The following TTPAL variants were observed in gnomAD, a reference collection of about 807,000 sequenced individuals.
The protein encoded by TTPAL is alpha tocopherol transfer protein like, also known as alpha-tocopherol transfer protein-like.
In TTPAL, 21 loss-of-function variants were observed where a neutral mutation model predicts 28.7. The observed-to-expected ratio is 0.73, with a 90% CI of 0.52 to 1.06. The LOEUF (loss-of-function observed/expected upper bound fraction) is 1.06, where lower values mean the gene tolerates loss of function less well. Among genes scored for constraint, TTPAL ranks in the 50% least tolerant of loss-of-function variants. TTPAL has a pLI of 0.00. For missense variants in TTPAL, 345 were observed against 425.5 expected (o/e 0.81, Z 1.67); for synonymous variants, 169 against 171.9 (o/e 0.98, Z 0.13).
intron 4 of TTPAL, 112 bp downstream of exon 4, chr20:44,486,818 CAG>C (rs2064156385): frequency 1.3e-5 from 8 of 623,520 alleles, no homozygotes; most frequent in Non-Finnish European, 2.3e-5. Context: ...TGGAAAAGTA[CAG>C]AGTTACAGAT....
In TTPAL at chr20:44,480,375, G is replaced by A. The variant is rs551155004; in HGVS notation, c.376G>A (p.Ala126Thr). The change falls in exon 2 of 5, where the codon GCT becomes ACT. Residue 126 changes from alanine to threonine, a missense_variant. Ala to Thr is a moderately conservative substitution (Grantham distance 58, BLOSUM62 0). Transcript: ENST00000262605. This position sits in a 1 kb window ranked among gnomAD's most constrained non-coding sequence, Gnocchi z 4.1. Reference protein sequence around the residue: ...LKPSALKDVLASGFLTVLPHT... With the variant: ...LKPSALKDVLTSGFLTVLPHT... Reference sequence around the variant, plus strand: ...GCCATCAGCCTTAAAAGATGTCCTTGCTTCCGGGTTCCTCACCGTGCTGCC... The same window carrying A: ...GCCATCAGCCTTAAAAGATGTCCTTACTTCCGGGTTCCTCACCGTGCTGCC... 12 of 1,614,028 alleles carry A rather than the reference G, an allele frequency of 7.4e-6. No homozygotes were observed. The South Asian group carries it at 1.2e-4, about 16-fold the overall frequency.
intron 3 of TTPAL, 62 bp downstream of exon 3, chr20:44,484,592 A>G (rs2064135800): frequency 7.6e-7 from 1 of 1,323,666 alleles, no homozygotes; most frequent in Non-Finnish European, 1.0e-6. Context: ...GGGCCTGTCC[A>G]TTTACTGTGG....
chr20:44,489,589 GGA>G lies in TTPAL; in HGVS notation c.*52_*53del. The G allele has an allele frequency of 6.4e-7, 1 of 1,558,418 alleles. No individual in the cohort carries two copies. Among genetic ancestry groups the G allele is most frequent in the Non-Finnish European group, 8.7e-7 (1 of 1,150,664 alleles). ...TTTAATTCTTTTCCTTCTTTTCTTT[GGA>G]GAGGCACAAGGAGAATTTAAGGGTC... is the stretch of plus-strand genomic sequence containing the variant. On this transcript the variant is annotated 3_prime_UTR_variant, in exon 5 of 5. Coordinates refer to ENST00000262605, the MANE Select transcript of TTPAL (RefSeq NM_001039199.3).
At position 44,475,922 on chromosome 20, in the gene TTPAL, C is replaced by A. The variant is rs974065797; in HGVS notation, c.-85C>A. On this transcript the variant is annotated 5_prime_UTR_variant, in exon 1 of 5. Transcript: ENST00000262605. ...GGCAGGCCGGGCAGGGAGTGCGGGT[C>A]GGTTCTGCGTGCGCTGCCGGACGAG... 3 of 152,230 alleles carry A rather than the reference C, an allele frequency of 2.0e-5. No homozygotes were observed. Among genetic ancestry groups the A allele is most frequent in the African/African-American group, 7.2e-5 (3 of 41,450 alleles). 9.4% of individuals were successfully genotyped at this position (152,230 alleles called of 1,614,324 possible).
Position 44,477,915 on chromosome 20 carries a change from A to G in TTPAL, c.-16+1924A>G, listed in dbSNP as rs567960131. Reference sequence around the variant, plus strand: ...GGTGATCCATCCACTTCAGCCTACCAAAGTGTTGGGATTACAGGCATAAGC... The same window carrying G: ...GGTGATCCATCCACTTCAGCCTACCGAAGTGTTGGGATTACAGGCATAAGC... On this transcript the variant is annotated intron_variant, in intron 1 of 4. Transcript: ENST00000262605. 3.4e-4 allele frequency among the ~76,000 whole-genome samples: 52 copies of G among 152,276 alleles called. 1 individual carries two copies. The highest frequency in any genetic ancestry group is 5.9e-4 in the Admixed American group (9 of 15,286).
chr20:44,479,399 GTTTTTTTTTTTT>G (rs869123576), intron 1 of TTPAL, among the ~76,000 whole-genome samples: 15 of 81,554 alleles, frequency 1.8e-4, no homozygotes, highest in South Asian at 4.3e-4. Flanking sequence ...AATCTGAGTT[GTTTTTTTTTTTT>G]TTTTTTTTTT....
intron 1 of TTPAL, among the ~76,000 whole-genome samples, chr20:44,479,031 C>T (rs546167421): frequency 1.1e-4 from 16 of 152,284 alleles, no homozygotes; most frequent in Admixed American, 3.9e-4. Context: ...CCTCATGAGT[C>T]GCCTGCCTCG....
At position 44,493,148 on chromosome 20, in the gene TTPAL, G is replaced by A. The variant is rs1035539989; in HGVS notation, c.*3607G>A. 2.0e-5 allele frequency: 3 copies of A among 152,172 alleles called. No individual in the cohort carries two copies. Among genetic ancestry groups the A allele is most frequent in the Non-Finnish European group, 4.4e-5 (3 of 68,042 alleles). 9.4% of individuals were successfully genotyped at this position (152,172 alleles called of 1,614,324 possible). A position where few individuals can be genotyped will look rare whatever the true frequency, so the allele number is the denominator to read the frequency against. On this transcript the variant is annotated 3_prime_UTR_variant, in exon 5 of 5. Transcript: ENST00000262605. ...AAATACAAAAAATTGGCTGGGCATG[G>A]TGGTGGGTGCCTGTAATCCCAGCTA...
chr20:44,480,151 C>T lies in TTPAL; in HGVS notation c.152C>T (p.Pro51Leu), dbSNP rs1454267257. The change falls in exon 2 of 5, where the codon CCG becomes CTG. Residue 51 changes from proline (P) to leucine (L), a missense_variant. By Grantham distance (98) the Pro-to-Leu change is moderately conservative. Coordinates refer to ENST00000262605, the MANE Select transcript of TTPAL (RefSeq NM_001039199.3). The surrounding 1 kb of genome is among the most constrained non-coding windows in gnomAD (Gnocchi z 4.1). ...TKAREELQEK[P>L]EWRLRDVQAL... is the part of the protein sequence containing the mutation. ...GCCCGGGAAGAGCTGCAGGAAAAGC[C>T]GGAATGGAGACTTCGAGATGTGCAG... The T allele has an allele frequency of 1.7e-5, 27 of 1,614,152 alleles. No individual in the cohort carries two copies. The highest frequency in any genetic ancestry group is 9.9e-5 in the South Asian group (9 of 91,080).
chr20:44,489,403 T>C lies in TTPAL; in HGVS notation c.891T>C (p.Phe297=), dbSNP rs1272921041. ...TACTGCTGGCTTCAGAAGACGATTT[T>C]GTGAAAGAGTTCTGCCAACCTGTTC... The part of the protein sequence containing the change: ...NAVLLASEDD[F]VKEFCQPVPA... Residue 297 remains phenylalanine (F), a synonymous_variant, in exon 5 of 5, where the codon TTT becomes TTC. Coordinates refer to ENST00000262605, the MANE Select transcript of TTPAL (RefSeq NM_001039199.3). 1 of 1,614,010 alleles carries C rather than the reference T, an allele frequency of 6.2e-7. No individual in the cohort carries two copies. Among genetic ancestry groups the C allele is most frequent in the Admixed American group, 1.7e-5 (1 of 59,982 alleles).
chr20:44,480,654 AG>A lies in TTPAL; in HGVS notation c.445+211del, dbSNP rs1184968358. Among the ~76,000 whole-genome samples the A allele has an allele frequency of 6.6e-6, 1 of 152,222 alleles. No homozygotes were observed. The highest frequency in any genetic ancestry group is 1.9e-4 in the East Asian group (1 of 5,202). The stretch of plus-strand genomic sequence containing the variant: ...GGAGACAGGAGTCCCTCCCAGAACC[AG>A]AGAGCTGAAGGCGTGGCAGCTTTTA... On this transcript the variant is annotated intron_variant, in intron 2 of 4. Coordinates refer to ENST00000262605, the MANE Select transcript of TTPAL (RefSeq NM_001039199.3). The surrounding 1 kb of genome is among the most constrained non-coding windows in gnomAD (Gnocchi z 4.1).
At position 44,490,404 on chromosome 20, in the gene TTPAL, G is replaced by A. The variant is rs2064194089; in HGVS notation, c.*863G>A. ...ACTTTCTCCTCTATAAAATGAGGCT[G>A]GATGAAATGTCAGCTAGGGCCATTT... On this transcript the variant is annotated 3_prime_UTR_variant, in exon 5 of 5. Coordinates refer to ENST00000262605, the MANE Select transcript of TTPAL (RefSeq NM_001039199.3). The A allele has an allele frequency of 6.6e-6, 1 of 152,320 alleles. No homozygotes were observed. Among genetic ancestry groups the A allele is most frequent in the African/African-American group, 2.4e-5 (1 of 41,434 alleles). The allele number at this position is 152,320 out of a possible 1,614,324, so 9.4% of individuals were successfully genotyped here. A position where few individuals can be genotyped will look rare whatever the true frequency, so the allele number is the denominator to read the frequency against.
Position 44,480,017 on chromosome 20 carries a change from C to G in TTPAL, c.18C>G (p.Asp6Glu). The change falls in exon 2 of 5, where the codon GAC (aspartate) becomes GAG (glutamate). Residue 6 changes from aspartate to glutamate, a missense_variant. By Grantham distance (45) the Asp-to-Glu change is conservative (BLOSUM62 2). Coordinates refer to ENST00000262605, the MANE Select transcript of TTPAL (RefSeq NM_001039199.3). This position sits in a 1 kb window ranked among gnomAD's most constrained non-coding sequence, Gnocchi z 4.1. MSEESDSLRTSPSVAS... is the reference protein window; with the variant it reads MSEESESLRTSPSVAS... Reference sequence around the variant, plus strand: ...GGTAGCTAATGTCCGAAGAAAGTGACTCTCTGAGAACCAGCCCTTCTGTGG... The same window carrying G: ...GGTAGCTAATGTCCGAAGAAAGTGAGTCTCTGAGAACCAGCCCTTCTGTGG... The G allele has an allele frequency of 1.9e-6, 3 of 1,613,168 alleles. No homozygotes were observed. The highest frequency in any genetic ancestry group is 2.5e-6 in the Non-Finnish European group (3 of 1,179,280).
rs2064193268 is a variant in TTPAL at position 44,490,334 on chromosome 20, G to T, written c.*793G>T. On this transcript the variant is annotated 3_prime_UTR_variant, in exon 5 of 5. Coordinates refer to ENST00000262605, the MANE Select transcript of TTPAL (RefSeq NM_001039199.3). ...AGGCCCGTGTAGCTATAAGAATTCT[G>T]GCCTGGATCCCAGGTGTACAACTAT... 6.6e-6 allele frequency: 1 copy of T among 152,300 alleles called. No individual in the cohort carries two copies. Among genetic ancestry groups the T allele is most frequent in the South Asian group, 2.1e-4 (1 of 4,830 alleles). The allele number at this position is 152,300 out of a possible 1,614,324, so 9.4% of individuals were successfully genotyped here. A position where few individuals can be genotyped will look rare whatever the true frequency, so the allele number is the denominator to read the frequency against.
In TTPAL at chr20:44,480,033, C is replaced by T. The variant is rs775638181; in HGVS notation, c.34C>T (p.Pro12Ser). The change falls in exon 2 of 5, where the codon CCT becomes TCT. Residue 12 changes from proline (P) to serine (S), a missense_variant. By Grantham distance (74) the Pro-to-Ser change is moderately conservative. Coordinates refer to ENST00000262605, the MANE Select transcript of TTPAL (RefSeq NM_001039199.3). This position sits in a 1 kb window ranked among gnomAD's most constrained non-coding sequence, Gnocchi z 4.1. ...AGAAAGTGACTCTCTGAGAACCAGC[C>T]CTTCTGTGGCCTCACTCTCTGAAAA... The part of the protein sequence containing the change: ...SEESDSLRTS[P>S]SVASLSENEL... 2 of 1,613,844 alleles carry T rather than the reference C, an allele frequency of 1.2e-6. No homozygotes were observed. The highest frequency in any genetic ancestry group is 3.3e-4 in the Middle Eastern group (2 of 6,082).
At chr20:44,484,644 C>A in intron 3 of TTPAL, 114 bp downstream of exon 3, 1 of 720,870 alleles carries the variant, frequency 1.4e-6, no homozygotes, top group Non-Finnish European at 2.2e-6. Flanking sequence ...CACCTGCAAT[C>A]TGAAAAACAC....
At chr20:44,488,869 A>G (rs1282929021) in intron 4 of TTPAL, among the ~76,000 whole-genome samples, 1 of 152,164 alleles carries the variant, frequency 6.6e-6, no homozygotes, top group Middle Eastern at 3.2e-3. Context: ...GAGTGCTGGA[A>G]GGCTGTACAT....
chr20:44,484,337 A>C lies in TTPAL; in HGVS notation c.446A>C (p.Asp149Ala). The C allele has an allele frequency of 6.4e-7, 1 of 1,565,284 alleles. No homozygotes were observed. The change falls in exon 3 of 5, where the codon GAC (aspartate) becomes GCC (alanine). Residue 149 changes from aspartate to alanine, a missense_variant and splice_region_variant. Asp to Ala is a moderately radical substitution (Grantham distance 126, BLOSUM62 -2). Transcript: ENST00000262605. ...TACTGTCAATCTCTTATGACCTTAG[A>C]CAGATGGATACCAAGCAACTATCCA... Reference protein sequence around the residue: ...RGCHVVCIRPDRWIPSNYPIT... With the variant: ...RGCHVVCIRPARWIPSNYPIT...
intron 3 of TTPAL, among the ~76,000 whole-genome samples, 180 bp downstream of exon 3, chr20:44,484,710 C>G (rs77709514): frequency 0.04 from 6,133 of 152,314 alleles, 135 homozygotes; most frequent in African/African-American, 0.059. Flanking sequence ...TCTCATCAGT[C>G]TCTCAAGTAC....
Sources: gnomAD v4.1 joint callset for allele counts (sites outside exome capture counted in the v4.1 genomes callset) on GRCh38, gnomAD v4.1.1 for gene constraint, Gnocchi (gnomAD v3.1) non-coding constraint, MANE v1.5 for transcripts, NCBI Gene and HGNC (gene_info 2026-07-23, HGNC 2026-07-21) for gene names.